KCNC2: variants seen among roughly 807,000 people sequenced by gnomAD.
KCNC2 encodes voltage-gated potassium channel KCNC2.
Under a neutral mutation model 44.5 loss-of-function variants are expected in KCNC2, and 21 were observed. That is an observed-to-expected ratio of 0.47 (90% CI 0.33 to 0.68). KCNC2 has a LOEUF of 0.68. KCNC2 is among the 30% of genes least tolerant of loss of function. KCNC2 has a pLI of 0.01. For synonymous variants in KCNC2, 391 were observed against 339.1 expected, an observed-to-expected ratio of 1.15 and a Z score of -1.68; for missense variants, 589 against 826.2, an observed-to-expected ratio of 0.71 and a Z score of 3.52.
chr12:75,055,928 G>A (rs537614983), intron 2 of KCNC2, among the ~76,000 whole-genome samples: 2 of 152,118 alleles, frequency 1.3e-5, no homozygotes, highest in South Asian at 4.1e-4. Context: ...TCATTAAAAT[G>A]AGTGAAATTG....
intron 2 of KCNC2, among the ~76,000 whole-genome samples, chr12:75,131,005 G>A (rs1476326399): frequency 1.3e-5 from 2 of 152,002 alleles, no homozygotes; most frequent in African/African-American, 4.8e-5. Flanking sequence ...GATATAACTA[G>A]AATAAACATA....
chr12:75,052,035 G>C lies in KCNC2; in HGVS notation c.688-718C>G, dbSNP rs150807969. ...CGAGTAACATACTATAAAGCTGAAAGAGTTTTCTTAAATTCAATTCATTTC... is the reference window on the plus strand; with the variant it reads ...CGAGTAACATACTATAAAGCTGAAACAGTTTTCTTAAATTCAATTCATTTC... On this transcript the variant is annotated intron_variant, in intron 2 of 4. Transcript: ENST00000549446. 5.9e-3 allele frequency among the ~76,000 whole-genome samples: 898 copies of C among 152,136 alleles called. 10 individuals carry two copies. The Middle Eastern group carries it at 0.065, about 11-fold the overall frequency.
At chr12:75,175,239 G>A (rs1892106019) in intron 2 of KCNC2, among the ~76,000 whole-genome samples, 1 of 151,882 alleles carries the variant, frequency 6.6e-6, no homozygotes, top group Non-Finnish European at 1.5e-5. Flanking sequence ...CTGTGATTGC[G>A]GGTCTGCTTT....
At chr12:75,127,877 A>G (rs1170097932) in intron 2 of KCNC2, among the ~76,000 whole-genome samples, 1 of 152,176 alleles carries the variant, frequency 6.6e-6, no homozygotes, top group Non-Finnish European at 1.5e-5. Context: ...TTCAGTTGCA[A>G]TATTGTGGAA....
At chr12:75,160,056 C>T (rs1410147385) in intron 2 of KCNC2, among the ~76,000 whole-genome samples, 1 of 151,770 alleles carries the variant, frequency 6.6e-6, no homozygotes, top group Non-Finnish European at 1.5e-5. Context: ...TCACAAAATC[C>T]ATTTGTTGAA....
chr12:75,142,566 G>A (rs531445240), intron 2 of KCNC2, among the ~76,000 whole-genome samples: 4 of 152,128 alleles, frequency 2.6e-5, no homozygotes, highest in Non-Finnish European at 5.9e-5. Context: ...GTTTGAGGAG[G>A]AACAGACCAC....
intron 2 of KCNC2, among the ~76,000 whole-genome samples, chr12:75,094,745 T>A (rs1885779624): frequency 6.6e-6 from 1 of 151,706 alleles, no homozygotes; most frequent in Non-Finnish European, 1.5e-5. Context: ...ATTAATTAGC[T>A]ACATCTGTCC....
At chr12:75,111,582 T>G (rs1592895726) in intron 2 of KCNC2, among the ~76,000 whole-genome samples, 1 of 152,124 alleles carries the variant, frequency 6.6e-6, no homozygotes, top group East Asian at 1.9e-4. Flanking sequence ...TCAAAGTGAT[T>G]TTTTTCTCCA....
intron 2 of KCNC2, among the ~76,000 whole-genome samples, chr12:75,175,602 G>A (rs532103154): frequency 1.2e-4 from 19 of 152,114 alleles, no homozygotes; most frequent in African/African-American, 4.6e-4. Flanking sequence ...GCTAAAGTGA[G>A]ACTGCAGAGC....
chr12:75,080,393 A>G (rs1047843674), intron 2 of KCNC2, among the ~76,000 whole-genome samples: 1 of 152,076 alleles, frequency 6.6e-6, no homozygotes, highest in Non-Finnish European at 1.5e-5. Flanking sequence ...TAACTTAGAA[A>G]AAGTATAAAA....
chr12:75,092,684 A>T (rs948391207), intron 2 of KCNC2, among the ~76,000 whole-genome samples: 6 of 151,678 alleles, frequency 4.0e-5, no homozygotes, highest in Non-Finnish European at 7.4e-5. Flanking sequence ...ACACAAAAAC[A>T]TTAAAATTTT....
chr12:75,044,881 G>C (rs967820179), intron 4 of KCNC2: 1 of 151,916 alleles, frequency 6.6e-6, no homozygotes, highest in African/African-American at 2.4e-5. Context: ...TAAAACATGA[G>C]AAGTGGTATA....
At chr12:75,167,897 A>G (rs1286447937) in intron 2 of KCNC2, among the ~76,000 whole-genome samples, 1 of 151,410 alleles carries the variant, frequency 6.6e-6, no homozygotes, top group African/African-American at 2.4e-5. Flanking sequence ...ATAATGCATT[A>G]AAAATTTATC....
chr12:75,195,070 C>T (rs2030645136), intron 2 of KCNC2, among the ~76,000 whole-genome samples: 1 of 152,122 alleles, frequency 6.6e-6, no homozygotes, highest in Admixed American at 6.6e-5. Context: ...TAGTTCAATT[C>T]AAATTTCTAG....
At chr12:75,139,173 GC>G (rs1889464748) in intron 2 of KCNC2, among the ~76,000 whole-genome samples, 1 of 152,018 alleles carries the variant, frequency 6.6e-6, no homozygotes, top group Non-Finnish European at 1.5e-5. Flanking sequence ...TTTAAGATTA[GC>G]CTGACTGCCT....
At chr12:75,131,084 A>C (rs983143804) in intron 2 of KCNC2, among the ~76,000 whole-genome samples, 1 of 152,118 alleles carries the variant, frequency 6.6e-6, no homozygotes, top group Non-Finnish European at 1.5e-5. Context: ...AAATAAACAA[A>C]ACTAGATGAT....
chr12:75,069,129 C>CTTTTTTTTTTTGTTTTTTTTTTTT (rs1883130069), intron 2 of KCNC2, among the ~76,000 whole-genome samples: 1 of 63,648 alleles, frequency 1.6e-5, no homozygotes, highest in Non-Finnish European at 2.8e-5. Context: ...TTTATATAAT[C>CTTTTTTTTTTTGTTTTTTTTTTTT]TTTTTTTTTT....
chr12:75,156,096 G>T (rs1003265463), intron 2 of KCNC2, among the ~76,000 whole-genome samples: 2 of 151,740 alleles, frequency 1.3e-5, no homozygotes, highest in African/African-American at 4.8e-5. Flanking sequence ...GCTTTTAAGA[G>T]TAGAGATATC....
In KCNC2 at chr12:75,041,448, C is replaced by T; in HGVS notation, c.*1657G>A. 1 of 1,264,380 alleles carries T rather than the reference C, an allele frequency of 7.9e-7. No homozygotes were observed. The highest frequency in any genetic ancestry group is 1.0e-6 in the Non-Finnish European group (1 of 996,606). The allele number at this position is 1,264,380 out of a possible 1,614,324, so 78.3% of individuals were successfully genotyped here. ...CAATAATAAAAGTGACAATTGTCTTCCTAACAAAAAATAAACATGAGAAAT... is the reference window on the plus strand; with the variant it reads ...CAATAATAAAAGTGACAATTGTCTTTCTAACAAAAAATAAACATGAGAAAT... On this transcript the variant is annotated 3_prime_UTR_variant, in exon 5 of 5. Transcript: ENST00000549446.
Sources: gnomAD v4.1 joint callset for allele counts (sites outside exome capture counted in the v4.1 genomes callset) on GRCh38, gnomAD v4.1.1 for gene constraint, MANE v1.5 for transcripts, NCBI Gene and HGNC (gene_info 2026-07-23, HGNC 2026-07-21) for gene names.